NAV1: variants seen among roughly 807,000 people sequenced by gnomAD.
NAV1 encodes the protein neuron navigator 1, also known as pore membrane and/or filament interacting like protein 3.
A neutral mutation model predicts 175.2 loss-of-function variants in NAV1; 18 were observed. The observed-to-expected ratio is 0.10, with a 90% CI of 0.07 to 0.15. The LOEUF (loss-of-function observed/expected upper bound fraction) is 0.15. Among genes scored for constraint, NAV1 ranks in the 10% least tolerant of loss-of-function variants. NAV1 has a pLI of 1.00. For missense variants in NAV1, 1,731 were observed against 2,436.6 expected (o/e 0.71, Z 6.10); for synonymous variants, 897 against 978.7 (o/e 0.92, Z 1.56).
chr1:201,690,549 G>A (rs1445168992), intron 1 of NAV1, among the ~76,000 whole-genome samples: 1 of 149,936 alleles, frequency 6.7e-6, no homozygotes. Context: ...GTGGCAGAGT[G>A]CTGGCTGTTT....
chr1:201,808,879 T>C lies in NAV1; in HGVS notation c.4207+8T>C. ...CCAGTCTTGCAGACACAGGTACCTGTGTGGGAGAAGAATCTATAAGGGTGA... is the reference window on the plus strand; with the variant it reads ...CCAGTCTTGCAGACACAGGTACCTGCGTGGGAGAAGAATCTATAAGGGTGA... On this transcript the variant is annotated splice_region_variant and intron_variant, in intron 20 of 29. Coordinates refer to ENST00000367296, the Ensembl canonical transcript of NAV1. This position sits in a 1 kb window ranked among gnomAD's most constrained non-coding sequence, Gnocchi z 5.5. 6.2e-7 allele frequency: 1 copy of C among 1,608,102 alleles called. No homozygotes were observed. The highest frequency in any genetic ancestry group is 8.5e-7 in the Non-Finnish European group (1 of 1,176,568).
intron 1 of NAV1, among the ~76,000 whole-genome samples, chr1:201,584,624 G>C (rs1419177860): frequency 6.6e-6 from 1 of 152,218 alleles, no homozygotes; most frequent in Non-Finnish European, 1.5e-5. Flanking sequence ...CCTGTGTCCA[G>C]CAGAGCCCAC....
chr1:201,613,508 A>G (rs1052427953), intron 2 of NAV1, among the ~76,000 whole-genome samples: 4 of 152,214 alleles, frequency 2.6e-5, no homozygotes, highest in Admixed American at 6.5e-5. Context: ...AATGATAACT[A>G]GCTAGTATTC....
chr1:201,661,949 C>T (rs1297917736), intron 1 of NAV1, among the ~76,000 whole-genome samples: 1 of 152,232 alleles, frequency 6.6e-6, no homozygotes, highest in Admixed American at 6.5e-5. Flanking sequence ...ATCGTCACAA[C>T]AACCTAGTGG....
At chr1:201,623,446 T>C in exon 1 of NAV1, 1 of 985,892 alleles carries the variant, frequency 1.0e-6, no homozygotes, top group Non-Finnish European at 1.2e-6. Context: ...GACCCCCAGG[T>C]CTTTGGAGCC....
At chr1:201,786,796 C>A (rs938891095) in intron 9 of NAV1, among the ~76,000 whole-genome samples, 1 of 152,182 alleles carries the variant, frequency 6.6e-6, no homozygotes, top group South Asian at 2.1e-4. Context: ...GTTGTAGGGT[C>A]CTTTTAGCAT....
At chr1:201,670,061 A>G (rs994473427) in intron 1 of NAV1, among the ~76,000 whole-genome samples, 8 of 152,074 alleles carry the variant, frequency 5.3e-5, no homozygotes, top group Non-Finnish European at 7.4e-5. Context: ...TTTGATAACA[A>G]AACCCTTTAG....
rs1228919744 is a variant in NAV1 at position 201,734,244 on chromosome 1, C to CA, written c.1226+15495dup. Among the ~76,000 whole-genome samples, 20 of 151,776 alleles carry CA rather than the reference C, an allele frequency of 1.3e-4. No homozygotes were observed. The East Asian group carries it at 3.5e-3, about 27-fold the overall frequency. ...GCAACACAGCAAGACTCCTTCTGTA[C>CA]AAAAAATTTTAAAATTAGCTGGCGA... On this transcript the variant is annotated intron_variant, in intron 3 of 29. Coordinates refer to ENST00000367296, the Ensembl canonical transcript of NAV1.
At chr1:201,800,817 C>CTTTTTTTTTTTTTTT (rs61404613) in intron 15 of NAV1, among the ~76,000 whole-genome samples, 1 of 90,788 alleles carries the variant, frequency 1.1e-5, no homozygotes, top group Non-Finnish European at 2.0e-5. Flanking sequence ...CTTGGTGTAT[C>CTTTTTTTTTTTTTTT]TTTTTTTTTT....
intron 3 of NAV1, among the ~76,000 whole-genome samples, chr1:201,771,225 C>T (rs1418666374): frequency 3.4e-5 from 4 of 118,584 alleles, no homozygotes; most frequent in African/African-American, 6.8e-5. Flanking sequence ...GGCGACAGAG[C>T]GAGACTCCGT....
At chr1:201,744,897 A>T (rs1462383597) in intron 3 of NAV1, among the ~76,000 whole-genome samples, 1 of 152,120 alleles carries the variant, frequency 6.6e-6, no homozygotes, top group Non-Finnish European at 1.5e-5. Context: ...AACTGAATGA[A>T]TTTTTCACTG....
chr1:201,648,209 G>C, upstream of NAV1: 3 of 1,001,424 alleles, frequency 3.0e-6, no homozygotes, highest in Non-Finnish European at 3.6e-6. Context: ...CTGGCTGGCT[G>C]GCTGAGTGCG....
At chr1:201,792,316 A>T (rs889385341) in intron 13 of NAV1, 2 of 151,958 alleles carry the variant, frequency 1.3e-5, no homozygotes, top group Non-Finnish European at 2.9e-5. Flanking sequence ...CTTCCTAGCC[A>T]CTAAAGCTGA....
In NAV1 at chr1:201,601,108, A is replaced by C. The variant is rs572476760; in HGVS notation, c.-33+12459A>C. Among the ~76,000 whole-genome samples the C allele has an allele frequency of 1.0e-3, 159 of 152,324 alleles. 4 individuals are homozygous for C. The highest frequency in any genetic ancestry group is 7.9e-3 in the South Asian group (38 of 4,830). On this transcript the variant is annotated intron_variant, in intron 2 of 33. Transcript: ENST00000685211. Reference sequence around the variant, plus strand: ...CTGGAGGAGTCTTCAGACTTATTTCAGCTGGGGACCACATAATTTACCTCA... The same window carrying C: ...CTGGAGGAGTCTTCAGACTTATTTCCGCTGGGGACCACATAATTTACCTCA...
intron 28 of NAV1, chr1:201,816,847 TCTTTTTA>T: frequency 2.0e-6 from 1 of 492,578 alleles, no homozygotes; most frequent in African/African-American, 1.9e-5. Flanking sequence ...TTTTCTTTTT[TCTTTTTA>T]GTAGAAACAG....
At chr1:201,737,263 T>C (rs1169775297) in intron 3 of NAV1, 1 of 152,194 alleles carries the variant, frequency 6.6e-6, no homozygotes, top group Admixed American at 6.5e-5. Context: ...CCTTCCCCTA[T>C]AAAAGCTCAC....
At chr1:201,819,771 T>C (rs1046825763) in intron 29 of NAV1, 66 bp from the exon 34 acceptor site, 1 of 1,413,926 alleles carries the variant, frequency 7.1e-7, no homozygotes. Context: ...GTTGTTGTTG[T>C]TTCCCTTCTG....
Position 201,808,372 on chromosome 1 carries a change from C to A in NAV1, c.3846-46C>A. ...TGCCTCTCAATATTCTCTAGTAACTCTAGTGCTTCTTCATGTAGCCTGGCT... is the reference window on the plus strand; with the variant it reads ...TGCCTCTCAATATTCTCTAGTAACTATAGTGCTTCTTCATGTAGCCTGGCT... On this transcript the variant is annotated intron_variant, in intron 18 of 29. Transcript: ENST00000367296. The surrounding 1 kb of genome is among the most constrained non-coding windows in gnomAD (Gnocchi z 5.5). 2 of 1,570,014 alleles carry A rather than the reference C, an allele frequency of 1.3e-6. No individual in the cohort carries two copies. The highest frequency in any genetic ancestry group is 1.2e-5 in the South Asian group (1 of 83,466).
intron 1 of NAV1, among the ~76,000 whole-genome samples, chr1:201,696,360 G>A (rs1558074924): frequency 6.6e-6 from 1 of 152,200 alleles, no homozygotes; most frequent in African/African-American, 2.4e-5. Context: ...TGGCAAGCAG[G>A]CGACACAACC....
Sources: allele counts gnomAD v4.1 joint callset (sites outside exome capture counted in the v4.1 genomes callset), GRCh38; gene constraint gnomAD v4.1.1; non-coding constraint Gnocchi (gnomAD v3.1); transcripts MANE v1.5; gene names NCBI Gene and HGNC (gene_info 2026-07-23, HGNC 2026-07-21).